AGAP1: variants seen among roughly 807,000 people sequenced by gnomAD.
AGAP1 encodes the protein ArfGAP with GTPase domain, ankyrin repeat and PH domain 1.
AGAP1 carries 29 observed loss-of-function variants against 105.3 expected under a neutral mutation model. The ratio of observed to expected loss-of-function variants is 0.28; its 90% CI spans 0.21 to 0.38. AGAP1 has a LOEUF of 0.38. Ranked by LOEUF, AGAP1 falls within the 10% of genes least tolerant of loss-of-function variation. The pLI is 1.00. For missense variants in AGAP1, 998 were observed against 1,165.1 expected, an observed-to-expected ratio of 0.86 and a Z score of 2.09; for synonymous variants, 509 against 485.9, an observed-to-expected ratio of 1.05 and a Z score of -0.63.
At chr2:235,942,197 C>T (rs146083403) in intron 12 of AGAP1, among the ~76,000 whole-genome samples, 10 of 152,250 alleles carry the variant, frequency 6.6e-5, no homozygotes, top group African/African-American at 2.2e-4. Context: ...TGCCAGGCTG[C>T]GTTAATCGAG....
chr2:235,603,820 GA>G (rs1157796336), intron 1 of AGAP1, among the ~76,000 whole-genome samples: 1 of 152,116 alleles, frequency 6.6e-6, no homozygotes, highest in Non-Finnish European at 1.5e-5. Context: ...ATTTCATGGG[GA>G]ATTTGAGCAC....
At chr2:235,667,978 A>G (rs1033277741) in intron 1 of AGAP1, among the ~76,000 whole-genome samples, 1 of 148,054 alleles carries the variant, frequency 6.8e-6, no homozygotes, top group Admixed American at 6.7e-5. Flanking sequence ...AAAAAAAAAA[A>G]AAAAAAGTCT....
rs1214830147 is a variant in AGAP1, at chr2:235,729,290, C to T, written c.310+11646C>T. Among the ~76,000 whole-genome samples, 1 of 152,170 alleles carries T rather than the reference C, an allele frequency of 6.6e-6. No homozygotes were observed. The highest frequency in any genetic ancestry group is 1.9e-4 in the East Asian group (1 of 5,192). ...AAACTGATTCCCAGGTGTGTTTGGG[C>T]CGTCTAGAACCATGTGACCTGGCAG... On this transcript the variant is annotated intron_variant, in intron 3 of 17. Coordinates refer to ENST00000304032, the MANE Select transcript of AGAP1 (RefSeq NM_001037131.3). The surrounding 1 kb of genome is among the most constrained non-coding windows in gnomAD (Gnocchi z 5.0).
At chr2:235,528,411 A>G (rs1046440885) in intron 1 of AGAP1, among the ~76,000 whole-genome samples, 1 of 119,152 alleles carries the variant, frequency 8.4e-6, no homozygotes, top group African/African-American at 3.2e-5. Flanking sequence ...CTTAGGCTTT[A>G]TAAGGATATT....
intron 13 of AGAP1, among the ~76,000 whole-genome samples, chr2:235,991,890 G>A (rs563976342): frequency 6.6e-6 from 1 of 152,318 alleles, no homozygotes; most frequent in South Asian, 2.1e-4. Flanking sequence ...TTCTTGAATT[G>A]TGAGTCGGGG....
At chr2:236,021,285 T>G (rs901439253) in intron 13 of AGAP1, among the ~76,000 whole-genome samples, 1 of 152,030 alleles carries the variant, frequency 6.6e-6, no homozygotes, top group African/African-American at 2.4e-5. Context: ...GCCCCCTCCT[T>G]TTGAAAGGAT....
At chr2:236,069,769 T>C (rs1172674794) in intron 16 of AGAP1, among the ~76,000 whole-genome samples, 2 of 152,248 alleles carry the variant, frequency 1.3e-5, no homozygotes, top group Admixed American at 6.5e-5. Context: ...GAGATAGTTA[T>C]GGTATTCTGT....
At chr2:236,094,882 C>T (rs1323929971) in intron 16 of AGAP1, among the ~76,000 whole-genome samples, 6 of 132,218 alleles carry the variant, frequency 4.5e-5, no homozygotes, top group Admixed American at 2.7e-4. Context: ...TCCAGGAGTT[C>T]GAGACCAGCC....
chr2:235,617,730 G>A (rs1050439994), intron 1 of AGAP1, among the ~76,000 whole-genome samples: 6 of 152,126 alleles, frequency 3.9e-5, no homozygotes, highest in African/African-American at 9.7e-5. Flanking sequence ...TTGTTTTTGA[G>A]TTATAATCTC....
chr2:235,640,679 C>T (rs1311367543), intron 1 of AGAP1, among the ~76,000 whole-genome samples: 1 of 152,200 alleles, frequency 6.6e-6, no homozygotes, highest in Non-Finnish European at 1.5e-5. Context: ...CTGTCTGTTA[C>T]CTACCACCAT....
rs898627320 is a variant in AGAP1 at position 235,901,168 on chromosome 2, G to A, written c.1156-7570G>A. On this transcript the variant is annotated intron_variant, in intron 10 of 17. Transcript: ENST00000304032. This position sits in a 1 kb window ranked among gnomAD's most constrained non-coding sequence, Gnocchi z 4.3. ...AAATGTGGGATGTGAACGTTTGCTT[G>A]ATCTTTTTGAATGGGTGGTCCTATA... is the stretch of plus-strand genomic sequence containing the variant. 6.6e-6 allele frequency among the ~76,000 whole-genome samples: 1 copy of A among 152,134 alleles called. No homozygotes were observed. The highest frequency in any genetic ancestry group is 1.5e-5 in the Non-Finnish European group (1 of 68,008).
intron 6 of AGAP1, among the ~76,000 whole-genome samples, chr2:235,778,869 G>A (rs924482524): frequency 2.0e-5 from 3 of 152,240 alleles, no homozygotes; most frequent in Non-Finnish European, 4.4e-5. Context: ...TTTGTCACCT[G>A]CATCTCTGTG....
intron 8 of AGAP1, among the ~76,000 whole-genome samples, chr2:235,805,465 C>T (rs1022190141): frequency 4.6e-5 from 7 of 151,736 alleles, no homozygotes; most frequent in Non-Finnish European, 8.8e-5. Flanking sequence ...TTTAATTAAC[C>T]AGAATAATGA....
At chr2:235,718,795 T>C (rs1047603675) in intron 3 of AGAP1, among the ~76,000 whole-genome samples, 2 of 152,162 alleles carry the variant, frequency 1.3e-5, no homozygotes, top group Non-Finnish European at 2.9e-5. Context: ...TAATGAAGGC[T>C]TGTATGTAGG....
intron 1 of AGAP1, among the ~76,000 whole-genome samples, chr2:235,682,376 T>G (rs1013806901): frequency 1.3e-5 from 2 of 151,672 alleles, no homozygotes; most frequent in Non-Finnish European, 2.9e-5. Context: ...GGAGTCTCAC[T>G]CTGTTGCCCA....
At chr2:235,672,011 A>C (rs1948459213) in intron 1 of AGAP1, among the ~76,000 whole-genome samples, 1 of 151,996 alleles carries the variant, frequency 6.6e-6, no homozygotes, top group Non-Finnish European at 1.5e-5. Context: ...GCCTGAAGAT[A>C]TTGTGGCCAC....
intron 13 of AGAP1, among the ~76,000 whole-genome samples, chr2:235,987,661 T>A (rs1343565820): frequency 6.6e-6 from 1 of 152,194 alleles, no homozygotes; most frequent in African/African-American, 2.4e-5. Flanking sequence ...TAAATTTCCC[T>A]CTGAACACTG....
chr2:235,534,683 C>G (rs1943152466), intron 1 of AGAP1, among the ~76,000 whole-genome samples: 1 of 152,110 alleles, frequency 6.6e-6, no homozygotes, highest in Non-Finnish European at 1.5e-5. Flanking sequence ...TCATTAAAGC[C>G]TCAGGGATAC....
At chr2:235,542,879 C>T (rs998821876) in intron 1 of AGAP1, among the ~76,000 whole-genome samples, 48 of 152,322 alleles carry the variant, frequency 3.2e-4, no homozygotes, top group Non-Finnish European at 5.9e-4. Flanking sequence ...CTCTGAATCT[C>T]GCTTTCACCT....
Sources: gnomAD v4.1 joint callset for allele counts (sites outside exome capture counted in the v4.1 genomes callset) on GRCh38, gnomAD v4.1.1 for gene constraint, Gnocchi (gnomAD v3.1) non-coding constraint, MANE v1.5 for transcripts, NCBI Gene and HGNC (gene_info 2026-07-23, HGNC 2026-07-21) for gene names.